Variants in TBC1D19 observed in about 807,000 individuals in gnomAD.
The protein encoded by TBC1D19 is TBC1 domain family member 19.
Under a neutral mutation model 89.0 loss-of-function variants are expected in TBC1D19, and 60 were observed. The ratio of observed to expected loss-of-function variants is 0.67; its 90% CI spans 0.55 to 0.84. The LOEUF is 0.84. TBC1D19 is among the 40% of genes least tolerant of loss of function. The pLI is 0.00. For synonymous variants in TBC1D19, 189 were observed against 199.7 expected, an observed-to-expected ratio of 0.95 and a Z score of 0.45; for missense variants, 500 against 610.8, an observed-to-expected ratio of 0.82 and a Z score of 1.91.
intron 15 of TBC1D19, among the ~76,000 whole-genome samples, chr4:26,734,970 GTATACACATATGTATA>G (rs1717901578): frequency 6.7e-6 from 1 of 150,054 alleles, no homozygotes; most frequent in African/African-American, 2.5e-5. Context: ...ATGTATATAT[GTATACACATATGTATA>G]TGTATATATG....
chr4:26,792,551 A>G, the TBC1D19 span, among the ~76,000 whole-genome samples: 1 of 152,236 alleles, frequency 6.6e-6, no homozygotes, highest in Non-Finnish European at 1.5e-5. Context: ...AGGTGGGAAA[A>G]GTATATCTTA....
chr4:26,836,012 T>C, the TBC1D19 span, among the ~76,000 whole-genome samples: 1 of 151,128 alleles, frequency 6.6e-6, no homozygotes, highest in African/African-American at 2.4e-5. Context: ...TCTCTATCAC[T>C]TCTGGGCCTT....
the TBC1D19 span, among the ~76,000 whole-genome samples, chr4:26,813,504 A>G: frequency 1.3e-5 from 2 of 152,134 alleles, no homozygotes; most frequent in South Asian, 4.2e-4. Flanking sequence ...GTTTTTTTAT[A>G]AAGTGCTGTC....
chr4:26,770,117 T>G, the TBC1D19 span, among the ~76,000 whole-genome samples: 1 of 151,418 alleles, frequency 6.6e-6, no homozygotes, highest in African/African-American at 2.4e-5. Context: ...ATAATCACAT[T>G]AAATAAAAAA....
intron 8 of TBC1D19, among the ~76,000 whole-genome samples, chr4:26,662,103 TCTTAGAATTTTTTTTTGTGATTCAGTA>T (rs1167713687): frequency 6.6e-6 from 1 of 152,170 alleles, no homozygotes; most frequent in Non-Finnish European, 1.5e-5. Flanking sequence ...GGGACATTTC[TCTTAGAATTTTTTTTTGTGATTCAGTA>T]CACTTTTAGG....
chr4:26,644,506 C>G (rs893701041), intron 7 of TBC1D19, among the ~76,000 whole-genome samples: 11 of 152,308 alleles, frequency 7.2e-5, no homozygotes, highest in Admixed American at 5.9e-4. Context: ...CCTTTGAAAA[C>G]TGGCACAAGA....
intron 13 of TBC1D19, among the ~76,000 whole-genome samples, chr4:26,691,154 G>A (rs1053865182): frequency 5.3e-5 from 8 of 152,160 alleles, no homozygotes; most frequent in Non-Finnish European, 7.4e-5. Flanking sequence ...TAGAAGTAGA[G>A]CCTCAATATG....
At chr4:26,766,519 C>A in the TBC1D19 span, among the ~76,000 whole-genome samples, 1 of 152,142 alleles carries the variant, frequency 6.6e-6, no homozygotes, top group South Asian at 2.1e-4. Context: ...TCCTAAGTAA[C>A]CACCAGACAC....
Position 26,632,168 on chromosome 4 carries a change from T to C in TBC1D19, c.295-5043T>C, listed in dbSNP as rs1289034764. On this transcript the variant is annotated intron_variant, in intron 4 of 20. Transcript: ENST00000264866. Reference sequence around the variant, plus strand: ...TAGTAAGTTTTATGCTGTTTTAAAATTGTGTATTGCAGTCTTGAAAATTTG... The same window carrying C: ...TAGTAAGTTTTATGCTGTTTTAAAACTGTGTATTGCAGTCTTGAAAATTTG... Among the ~76,000 whole-genome samples, 14 of 152,148 alleles carry C rather than the reference T, an allele frequency of 9.2e-5. No homozygotes were observed. The South Asian group carries it at 2.9e-3, about 32-fold the overall frequency.
At chr4:26,615,375 T>C (rs1274674341) in intron 3 of TBC1D19, among the ~76,000 whole-genome samples, 1 of 152,124 alleles carries the variant, frequency 6.6e-6, no homozygotes, top group Non-Finnish European at 1.5e-5. Context: ...GCACTGAGCA[T>C]ATAGTATAGA....
chr4:26,794,520 T>C, the TBC1D19 span, among the ~76,000 whole-genome samples: 1 of 151,828 alleles, frequency 6.6e-6, no homozygotes, highest in African/African-American at 2.4e-5. Context: ...CGATACAAAG[T>C]GAAAACAAAA....
chr4:26,856,176 T>C, the TBC1D19 span, among the ~76,000 whole-genome samples: 1 of 133,088 alleles, frequency 7.5e-6, no homozygotes, highest in African/African-American at 2.6e-5. Context: ...TTATACTGTT[T>C]CTATGAGATG....
At chr4:26,588,805 T>A (rs1436430579) in intron 1 of TBC1D19, among the ~76,000 whole-genome samples, 1 of 152,230 alleles carries the variant, frequency 6.6e-6, no homozygotes, top group Non-Finnish European at 1.5e-5. Flanking sequence ...ATATGTTTTA[T>A]CTTGTTTGTT....
chr4:26,855,362 C>T, the TBC1D19 span, among the ~76,000 whole-genome samples: 54 of 152,156 alleles, frequency 3.5e-4, no homozygotes, highest in African/African-American at 1.2e-3. Flanking sequence ...CAACTCAAAA[C>T]GAGCTCTTGT....
the TBC1D19 span, among the ~76,000 whole-genome samples, chr4:26,773,111 A>G: frequency 6.6e-6 from 1 of 152,274 alleles, no homozygotes; most frequent in East Asian, 1.9e-4. Context: ...ATTTCTCCAC[A>G]ACCTCACCAG....
intron 10 of TBC1D19, among the ~76,000 whole-genome samples, chr4:26,673,096 T>C (rs906345280): frequency 5.9e-5 from 9 of 151,740 alleles, no homozygotes; most frequent in Middle Eastern, 3.2e-3. Context: ...TTAAAGAAAA[T>C]AAAAATTAAA....
chr4:26,716,221 C>G (rs894641525), intron 13 of TBC1D19, among the ~76,000 whole-genome samples: 4 of 152,002 alleles, frequency 2.6e-5, no homozygotes, highest in Non-Finnish European at 5.9e-5. Context: ...AGGAACAGTG[C>G]CTGGTGCATA....
the TBC1D19 span, among the ~76,000 whole-genome samples, chr4:26,831,444 A>G: frequency 2.0e-5 from 3 of 152,176 alleles, no homozygotes; most frequent in Admixed American, 6.5e-5. Flanking sequence ...GCAGCTGTAG[A>G]CAATATGTAA....
At chr4:26,746,095 T>C (rs948091220) in intron 18 of TBC1D19, among the ~76,000 whole-genome samples, 1 of 152,160 alleles carries the variant, frequency 6.6e-6, no homozygotes, top group Admixed American at 6.5e-5. Context: ...ACTTTAAATA[T>C]TTTTTTCTGC....
Sources: gnomAD v4.1 joint callset for allele counts (sites outside exome capture counted in the v4.1 genomes callset) on GRCh38, gnomAD v4.1.1 for gene constraint, MANE v1.5 for transcripts, NCBI Gene and HGNC (gene_info 2026-07-23, HGNC 2026-07-21) for gene names.